Variants in RGPD2 observed in about 807,000 individuals in gnomAD.
RGPD2 encodes RANBP2 like and GRIP domain containing 2, also known as RANBP2-like and GRIP domain-containing protein 2.
RGPD2 carries 2 observed loss-of-function variants against 36.0 expected under a neutral mutation model. That is an observed-to-expected ratio of 0.06 (90% CI 0.02 to 0.17). RGPD2 has a LOEUF of 0.17. RGPD2 is among the 10% of genes least tolerant of loss of function. The pLI, the probability that RGPD2 is intolerant of heterozygous loss-of-function variation, is 1.00. For synonymous variants in RGPD2, 19 were observed against 163.8 expected (o/e 0.12, Z 6.75); for missense variants, 40 against 464.3 (o/e 0.09, Z 8.40).
chr2:87,844,555 G>A, the RGPD2 span, among the ~76,000 whole-genome samples: 70 of 149,126 alleles, frequency 4.7e-4, no homozygotes, highest in Non-Finnish European at 2.1e-4. Context: ...ATAATTTCAC[G>A]TAATTTTAGG....
At chr2:87,880,254 C>T in the RGPD2 span, among the ~76,000 whole-genome samples, 4 of 152,214 alleles carry the variant, frequency 2.6e-5, no homozygotes, top group African/African-American at 9.7e-5. Flanking sequence ...TTTCCCATCC[C>T]ATGTGTAATC....
chr2:87,858,110 ATGAT>A, the RGPD2 span, among the ~76,000 whole-genome samples: 1 of 152,164 alleles, frequency 6.6e-6, no homozygotes, highest in Admixed American at 6.5e-5. Flanking sequence ...GACATAATCT[ATGAT>A]TGAGTCATAC....
At chr2:87,813,164 G>A (rs1429539804) in intron 4 of RGPD2, among the ~76,000 whole-genome samples, 1 of 152,168 alleles carries the variant, frequency 6.6e-6, no homozygotes, top group African/African-American at 2.4e-5. Context: ...TCTTCTGTCA[G>A]GCAAAAAATG....
At chr2:87,769,789 T>TA (rs1260920552) in intron 22 of RGPD2, among the ~76,000 whole-genome samples, 2 of 150,480 alleles carry the variant, frequency 1.3e-5, no homozygotes, top group Admixed American at 1.3e-4. Context: ...TTGTTTTTTA[T>TA]AGGGGCAGTT....
chr2:87,986,047 C>T, the RGPD2 span: 1 of 639,362 alleles, frequency 1.6e-6, no homozygotes, highest in Non-Finnish European at 2.7e-6. Flanking sequence ...CATTAAAGAG[C>T]CAATGAGATG....
chr2:87,985,640 A>G, the RGPD2 span: 1 of 1,254,000 alleles, frequency 8.0e-7, no homozygotes, highest in Non-Finnish European at 1.1e-6. Context: ...TGGTACGCCT[A>G]TTATGTAGTC....
At chr2:87,839,463 G>A in the RGPD2 span, among the ~76,000 whole-genome samples, 10 of 152,066 alleles carry the variant, frequency 6.6e-5, no homozygotes, top group Middle Eastern at 3.4e-3. Context: ...TAGTTCTAAC[G>A]TAAAGACACA....
chr2:87,762,385 C>CA (rs1684913151), intron 22 of RGPD2, among the ~76,000 whole-genome samples: 1 of 116,270 alleles, frequency 8.6e-6, no homozygotes, highest in Non-Finnish European at 1.7e-5. Flanking sequence ...GCTAAAAATA[C>CA]AAAAAATTAG....
the RGPD2 span, among the ~76,000 whole-genome samples, chr2:87,961,438 C>T: frequency 5.3e-5 from 8 of 151,842 alleles, no homozygotes; most frequent in East Asian, 2.0e-4. Context: ...CCGTGGCTCA[C>T]GCCTGTAATC....
At chr2:87,848,764 C>T in the RGPD2 span, among the ~76,000 whole-genome samples, 3 of 145,270 alleles carry the variant, frequency 2.1e-5, no homozygotes, top group East Asian at 6.2e-4. Flanking sequence ...AATCTGGATA[C>T]CACATCAAAG....
chr2:87,984,702 G>A, the RGPD2 span, among the ~76,000 whole-genome samples: 7 of 147,248 alleles, frequency 4.8e-5, no homozygotes, highest in South Asian at 2.2e-4. Flanking sequence ...AGGCTGAGAC[G>A]GGCAGATCAC....
At chr2:87,877,640 A>G in the RGPD2 span, among the ~76,000 whole-genome samples, 2 of 152,238 alleles carry the variant, frequency 1.3e-5, no homozygotes, top group African/African-American at 2.4e-5. Context: ...TGTCTCTACT[A>G]AAAACATGCA....
At chr2:87,845,956 A>G in the RGPD2 span, among the ~76,000 whole-genome samples, 1 of 151,530 alleles carries the variant, frequency 6.6e-6, no homozygotes, top group Non-Finnish European at 1.5e-5. Flanking sequence ...TATTTTCTTA[A>G]TGATTAAAAT....
chr2:87,952,237 T>A, the RGPD2 span, among the ~76,000 whole-genome samples: 1 of 152,006 alleles, frequency 6.6e-6, no homozygotes, highest in Non-Finnish European at 1.5e-5. Flanking sequence ...CTATTTTTAA[T>A]TTTTTTTATA....
the RGPD2 span, among the ~76,000 whole-genome samples, chr2:87,965,062 G>C: frequency 2.1e-5 from 3 of 144,340 alleles, no homozygotes; most frequent in Non-Finnish European, 4.6e-5. Flanking sequence ...CCTGACATGA[G>C]TTTTTGTGAT....
chr2:87,888,556 A>G, the RGPD2 span, among the ~76,000 whole-genome samples: 1 of 80,254 alleles, frequency 1.2e-5, no homozygotes, highest in Non-Finnish European at 2.5e-5. Context: ...CGGGGCATGG[A>G]AAATGTATTT....
chr2:87,830,175 C>T (rs1377065035), upstream of RGPD2, among the ~76,000 whole-genome samples: 1 of 152,002 alleles, frequency 6.6e-6, no homozygotes, highest in African/African-American at 2.4e-5. Context: ...CCAGGTCACA[C>T]TGATGCAAGA....
the RGPD2 span, among the ~76,000 whole-genome samples, chr2:87,897,525 A>G: frequency 6.6e-6 from 1 of 152,270 alleles, no homozygotes; most frequent in East Asian, 1.9e-4. Context: ...GGTTTGTTAC[A>G]TAGGTAAACA....
chr2:87,894,956 G>A, the RGPD2 span, among the ~76,000 whole-genome samples: 1 of 135,846 alleles, frequency 7.4e-6, no homozygotes, highest in African/African-American at 2.8e-5. Context: ...ATAACATCTT[G>A]GTTTTTATTG....
Sources: gnomAD v4.1 joint callset for allele counts (sites outside exome capture counted in the v4.1 genomes callset) on GRCh38, gnomAD v4.1.1 for gene constraint, MANE v1.5 for transcripts, NCBI Gene and HGNC (gene_info 2026-07-23, HGNC 2026-07-21) for gene names.